Variants in RERE observed in about 807,000 individuals in gnomAD.
The protein encoded by RERE is arginine-glutamic acid dipeptide repeats.
A neutral mutation model predicts 146.1 loss-of-function variants in RERE; 40 were observed. The ratio of observed to expected loss-of-function variants is 0.27; its 90% CI spans 0.21 to 0.36. The LOEUF (loss-of-function observed/expected upper bound fraction) is 0.36, where lower values mean the gene tolerates loss of function less well. Ranked by LOEUF, RERE falls within the 10% of genes least tolerant of loss-of-function variation. The pLI is 1.00. For synonymous variants in RERE, 1,003 were observed against 866.0 expected (o/e 1.16, Z -2.78); for missense variants, 1,933 against 2,138.7 (o/e 0.90, Z 1.90).
At chr1:8,500,765 G>C (rs1210889524) in intron 8 of RERE, among the ~76,000 whole-genome samples, 1 of 151,700 alleles carries the variant, frequency 6.6e-6, no homozygotes, top group African/African-American at 2.4e-5. Context: ...AGGAAGCGAG[G>C]AGCGCCTCTT....
At chr1:8,800,349 T>C (rs902776019) in intron 1 of RERE, among the ~76,000 whole-genome samples, 3 of 152,034 alleles carry the variant, frequency 2.0e-5, no homozygotes, top group Non-Finnish European at 4.4e-5. Flanking sequence ...CCAATCTCAA[T>C]GAAGCTTTTA....
Position 8,423,772 on chromosome 1 carries a change from G to C in RERE, c.1204-965C>G, listed in dbSNP as rs1054128817. 6.1e-6 allele frequency: 5 copies of C among 824,090 alleles called. No homozygotes were observed. The African/African-American group carries it at 9.4e-5, about 15-fold the overall frequency. 51.0% of individuals were successfully genotyped at this position (824,090 alleles called of 1,614,324 possible). A position where few individuals can be genotyped will look rare whatever the true frequency, so the allele number is the denominator to read the frequency against. On this transcript the variant is annotated intron_variant, in intron 11 of 22. Transcript: ENST00000400908. The surrounding 1 kb of genome is among the most constrained non-coding windows in gnomAD (Gnocchi z 5.4). ...CGCGGGGCTGGGGCCGCCGCTGACG[G>C]GGGAGGAGGCAGGAGCGCGGCGCGC...
intron 1 of RERE, among the ~76,000 whole-genome samples, chr1:8,754,210 CT>C (rs550370384): frequency 0.025 from 3,626 of 143,648 alleles, 142 homozygotes; most frequent in African/African-American, 0.08. Flanking sequence ...CTCCCAATTC[CT>C]TTTTTTTTTT....
intron 1 of RERE, among the ~76,000 whole-genome samples, chr1:8,699,611 T>C (rs1023304688): frequency 2.0e-5 from 3 of 152,340 alleles, no homozygotes; most frequent in East Asian, 1.9e-4. Context: ...CCTGTTTGAA[T>C]TGGATGTAGG....
chr1:8,697,518 G>C (rs1006701916), intron 1 of RERE, among the ~76,000 whole-genome samples: 1 of 151,432 alleles, frequency 6.6e-6, no homozygotes, highest in Non-Finnish European at 1.5e-5. Context: ...TCCGCCTACC[G>C]AGTAGCTGGG....
intron 1 of RERE, among the ~76,000 whole-genome samples, chr1:8,807,411 G>T (rs1272062385): frequency 6.6e-6 from 1 of 152,068 alleles, no homozygotes; most frequent in South Asian, 2.1e-4. Flanking sequence ...CAGTCCCAGG[G>T]ACTATACTGA....
At chr1:8,509,422 A>ATCCGTCCGTCCG (rs1385356366) in intron 7 of RERE, among the ~76,000 whole-genome samples, 15 of 83,940 alleles carry the variant, frequency 1.8e-4, no homozygotes, top group African/African-American at 4.5e-4. Flanking sequence ...CCATCCATCC[A>ATCCGTCCGTCCG]TCCATCCATC....
intron 1 of RERE, among the ~76,000 whole-genome samples, chr1:8,685,820 T>C (rs1318200993): frequency 3.3e-5 from 5 of 152,076 alleles, no homozygotes; most frequent in Non-Finnish European, 5.9e-5. Flanking sequence ...AACTCCACAA[T>C]GATATGTGGT....
chr1:8,710,037 C>G (rs1639636047), intron 1 of RERE, among the ~76,000 whole-genome samples: 1 of 152,222 alleles, frequency 6.6e-6, no homozygotes, highest in Non-Finnish European at 1.5e-5. Flanking sequence ...TACAAGTAGT[C>G]CCTGTCAAGC....
At chr1:8,426,306 T>G (rs970295518) in intron 11 of RERE, among the ~76,000 whole-genome samples, 4 of 151,814 alleles carry the variant, frequency 2.6e-5, no homozygotes, top group Admixed American at 6.6e-5. Context: ...TACAAAAAAT[T>G]AGCTGGGCAT....
intron 11 of RERE, among the ~76,000 whole-genome samples, chr1:8,457,349 C>A (rs562533384): frequency 1.3e-5 from 2 of 152,268 alleles, no homozygotes; most frequent in East Asian, 3.9e-4. Context: ...CAGTACTTTG[C>A]CTCATAAATG....
At chr1:8,630,175 A>T (rs142560387) in intron 2 of RERE, among the ~76,000 whole-genome samples, 18 of 152,280 alleles carry the variant, frequency 1.2e-4, no homozygotes, top group African/African-American at 4.1e-4. Context: ...TGTATATGTT[A>T]TGTGTGTGTG....
chr1:8,764,134 C>T (rs893705546), intron 1 of RERE, among the ~76,000 whole-genome samples: 6 of 152,096 alleles, frequency 3.9e-5, no homozygotes, highest in East Asian at 1.9e-4. Flanking sequence ...CTTCCCTTTC[C>T]CTCATCACTG....
rs933955318 is a variant in RERE, at chr1:8,545,330, G to A, written c.726-4012C>T. Among the ~76,000 whole-genome samples the A allele has an allele frequency of 9.9e-5, 15 of 152,232 alleles. No homozygotes were observed. The South Asian group carries it at 1.5e-3, about 15-fold the overall frequency. On this transcript the variant is annotated intron_variant, in intron 6 of 22. Transcript: ENST00000400908. The stretch of plus-strand genomic sequence containing the variant: ...TTTCAGTAATCCTTCCGAGTGGGGC[G>A]GGCCCCAGAGAGTTTTACACCTGGG...
At chr1:8,661,541 G>A (rs571022936) in intron 1 of RERE, among the ~76,000 whole-genome samples, 33 of 152,294 alleles carry the variant, frequency 2.2e-4, no homozygotes, top group African/African-American at 5.3e-4. Context: ...CGATCACCCC[G>A]GGAAGACAAG....
intron 1 of RERE, among the ~76,000 whole-genome samples, chr1:8,657,938 G>T (rs1258955455): frequency 6.6e-6 from 1 of 152,192 alleles, no homozygotes; most frequent in African/African-American, 2.4e-5. Flanking sequence ...GGTTTTTACA[G>T]TCTTCCAGAT....
chr1:8,564,832 ATGTGTGTGTG>A (rs567556868), intron 4 of RERE, among the ~76,000 whole-genome samples: 5 of 139,014 alleles, frequency 3.6e-5, no homozygotes, highest in South Asian at 2.3e-4. Context: ...GTATATGTGT[ATGTGTGTGTG>A]TGTGTGTGTG....
chr1:8,429,564 G>C (rs1031816447), intron 11 of RERE, among the ~76,000 whole-genome samples: 1 of 152,190 alleles, frequency 6.6e-6, no homozygotes, highest in Non-Finnish European at 1.5e-5. Context: ...CAGGGGCTAA[G>C]CTACAAAAAT....
chr1:8,622,559 T>C (rs1463997829), intron 3 of RERE, among the ~76,000 whole-genome samples: 1 of 146,246 alleles, frequency 6.8e-6, no homozygotes, highest in East Asian at 2.0e-4. Context: ...CCTCTAAAAA[T>C]GGTTTTTAAA....
Sources: gnomAD v4.1 joint callset for allele counts (sites outside exome capture counted in the v4.1 genomes callset) on GRCh38, gnomAD v4.1.1 for gene constraint, Gnocchi (gnomAD v3.1) non-coding constraint, MANE v1.5 for transcripts, NCBI Gene and HGNC (gene_info 2026-07-23, HGNC 2026-07-21) for gene names.